ATRNL1: variants seen among roughly 807,000 people sequenced by gnomAD.
The protein encoded by ATRNL1 is attractin-like protein 1.
In ATRNL1, 95 loss-of-function variants were observed where a neutral mutation model predicts 182.7. The observed-to-expected ratio is 0.52, with a 90% CI of 0.44 to 0.62. The LOEUF (loss-of-function observed/expected upper bound fraction) is 0.62. Among genes scored for constraint, ATRNL1 ranks in the 20% least tolerant of loss-of-function variants. The pLI is 0.00. For synonymous variants in ATRNL1, 576 were observed against 568.3 expected, an observed-to-expected ratio of 1.01 and a Z score of -0.19; for missense variants, 1,471 against 1,679.5, an observed-to-expected ratio of 0.88 and a Z score of 2.17.
intron 21 of ATRNL1, among the ~76,000 whole-genome samples, chr10:115,457,698 C>T (rs199833078): frequency 3.4e-4 from 51 of 151,956 alleles, no homozygotes; most frequent in Non-Finnish European, 5.9e-4. Flanking sequence ...CAAATGATCC[C>T]GCCACCACAT....
At chr10:115,268,547 A>G (rs1851704265) in intron 13 of ATRNL1, 103 bp downstream of exon 13, 5 of 777,250 alleles carry the variant, frequency 6.4e-6, no homozygotes, top group Admixed American at 3.8e-5. Flanking sequence ...CACTTTACAC[A>G]TTAAGACATT....
At chr10:115,145,220 A>G (rs910825325) in intron 5 of ATRNL1, among the ~76,000 whole-genome samples, 6 of 152,166 alleles carry the variant, frequency 3.9e-5, no homozygotes, top group Non-Finnish European at 8.8e-5. Flanking sequence ...ATATAAGGAG[A>G]TGGGTTGGGG....
intron 27 of ATRNL1, among the ~76,000 whole-genome samples, chr10:115,730,353 C>T (rs1947759504): frequency 6.7e-6 from 1 of 148,974 alleles, no homozygotes; most frequent in South Asian, 2.2e-4. Context: ...GTTTTTCTCA[C>T]ATGTACAAAA....
intron 26 of ATRNL1, among the ~76,000 whole-genome samples, chr10:115,681,784 T>C (rs1946054340): frequency 6.6e-6 from 1 of 152,128 alleles, no homozygotes; most frequent in African/African-American, 2.4e-5. Context: ...AAAAAGAACT[T>C]TCATGTAATT....
intron 28 of ATRNL1, among the ~76,000 whole-genome samples, chr10:115,896,516 A>G (rs1952213488): frequency 6.6e-6 from 1 of 152,202 alleles, no homozygotes; most frequent in Non-Finnish European, 1.5e-5. Context: ...AAGGTATAAA[A>G]AGATCTGGTA....
intron 26 of ATRNL1, among the ~76,000 whole-genome samples, chr10:115,645,155 A>G (rs529590616): frequency 1.3e-5 from 2 of 152,160 alleles, no homozygotes; most frequent in East Asian, 3.9e-4. Context: ...ATTGTTTACT[A>G]TGCTATTCTG....
intron 16 of ATRNL1, among the ~76,000 whole-genome samples, chr10:115,300,812 AAAC>A (rs1554924252): frequency 6.6e-6 from 1 of 152,146 alleles, no homozygotes; most frequent in Non-Finnish European, 1.5e-5. Context: ...ACTGTTGTGC[AAAC>A]ATCATCACCA....
At chr10:115,166,297 A>G (rs550544700) in intron 7 of ATRNL1, among the ~76,000 whole-genome samples, 1 of 152,178 alleles carries the variant, frequency 6.6e-6, no homozygotes, top group African/African-American at 2.4e-5. Flanking sequence ...TTGTTTATCC[A>G]TCCATCTGTT....
chr10:115,702,791 T>A (rs1455521152), intron 26 of ATRNL1, among the ~76,000 whole-genome samples: 1 of 151,718 alleles, frequency 6.6e-6, no homozygotes, highest in African/African-American at 2.4e-5. Context: ...AAGTCATAGA[T>A]GACTAATGAA....
At chr10:115,698,754 G>C (rs151307330) in intron 26 of ATRNL1, among the ~76,000 whole-genome samples, 42 of 151,484 alleles carry the variant, frequency 2.8e-4, no homozygotes, top group African/African-American at 9.9e-4. Flanking sequence ...TTCCAGCCTG[G>C]CAACAGAGCG....
Position 115,664,487 on chromosome 10 carries a change from A to T in ATRNL1, c.3796-62761A>T, listed in dbSNP as rs553528793. 1.2e-4 allele frequency among the ~76,000 whole-genome samples: 18 copies of T among 152,280 alleles called. 1 individual carries two copies. In the South Asian group the frequency reaches 3.7e-3, roughly 32 times the overall value. ...TGAAAAGAAAATATTTGTGTTCAAG[A>T]TGAGTCAGTATTTTGCTTATTAAAT... On this transcript the variant is annotated intron_variant, in intron 26 of 28. Transcript: ENST00000355044.
At chr10:115,447,396 T>G (rs1192254590) in intron 21 of ATRNL1, among the ~76,000 whole-genome samples, 3 of 151,836 alleles carry the variant, frequency 2.0e-5, no homozygotes, top group African/African-American at 7.2e-5. Context: ...TAATGTTATT[T>G]GTTTGCAATA....
rs1554862750 is a variant in ATRNL1 at position 115,094,908 on chromosome 10, G to C, written c.293+865G>C. 2.0e-5 allele frequency among the ~76,000 whole-genome samples: 3 copies of C among 152,162 alleles called. No individual in the cohort carries two copies. The East Asian group carries it at 5.8e-4, about 29-fold the overall frequency. On this transcript the variant is annotated intron_variant, in intron 1 of 28. Transcript: ENST00000355044. ...GACGTTTTTATGTGGTGAGGATAAT[G>C]GATTTTTTTCTGATCGGTTAATTCA...
intron 26 of ATRNL1, among the ~76,000 whole-genome samples, chr10:115,598,350 A>ATTATTTATTTATTTAT (rs35735636): frequency 1.7e-3 from 252 of 145,852 alleles, no homozygotes; most frequent in African/African-American, 6.1e-3. Flanking sequence ...ATTTAAAAAA[A>ATTATTTATTTATTTAT]TTATTTATTT....
chr10:115,472,064 A>G (rs904159913), intron 24 of ATRNL1, among the ~76,000 whole-genome samples: 12 of 151,046 alleles, frequency 7.9e-5, no homozygotes, highest in African/African-American at 2.4e-4. Context: ...TCTTCTGCAT[A>G]TTGATATCCC....
At chr10:115,703,742 G>A (rs1029468461) in intron 26 of ATRNL1, among the ~76,000 whole-genome samples, 2 of 151,502 alleles carry the variant, frequency 1.3e-5, no homozygotes, top group African/African-American at 4.8e-5. Context: ...ACATATTAAA[G>A]AAATGAAAGA....
At chr10:115,572,121 T>C (rs1854428297) in intron 26 of ATRNL1, among the ~76,000 whole-genome samples, 1 of 152,160 alleles carries the variant, frequency 6.6e-6, no homozygotes. Flanking sequence ...AATTAGATTG[T>C]GTAATGACAG....
chr10:115,432,530 G>A (rs781811730), intron 21 of ATRNL1, among the ~76,000 whole-genome samples: 3 of 152,084 alleles, frequency 2.0e-5, no homozygotes, highest in Non-Finnish European at 4.4e-5. Context: ...AGATTAGATC[G>A]AAATTTAAGA....
chr10:115,280,772 T>C lies in ATRNL1; in HGVS notation c.2101-583T>C, dbSNP rs186100295. ...GTTCGTGGGGGCTTCTTCTATCTGGTGAAAATATACCTTGGCAAAATGCAT... is the reference window on the plus strand; with the variant it reads ...GTTCGTGGGGGCTTCTTCTATCTGGCGAAAATATACCTTGGCAAAATGCAT... On this transcript the variant is annotated intron_variant, in intron 13 of 28. Coordinates refer to ENST00000355044, the MANE Select transcript of ATRNL1 (RefSeq NM_207303.4). Among the ~76,000 whole-genome samples the C allele has an allele frequency of 1.5e-3, 225 of 152,322 alleles. 1 individual carries two copies. The highest frequency in any genetic ancestry group is 5.1e-3 in the African/African-American group (213 of 41,584).
Sources: allele counts gnomAD v4.1 joint callset (sites outside exome capture counted in the v4.1 genomes callset), GRCh38; gene constraint gnomAD v4.1.1; transcripts MANE v1.5; gene names NCBI Gene and HGNC (gene_info 2026-07-23, HGNC 2026-07-21).